The following CDCA7L variants were observed in gnomAD, a reference collection of about 807,000 sequenced individuals.
The protein encoded by CDCA7L is cell division cycle-associated 7-like protein.
A neutral mutation model predicts 57.4 loss-of-function variants in CDCA7L; 44 were observed. The observed-to-expected ratio is 0.77, with a 90% CI of 0.60 to 0.98. The LOEUF (loss-of-function observed/expected upper bound fraction) is 0.98. Ranked by LOEUF, CDCA7L falls within the 50% of genes least tolerant of loss-of-function variation. The pLI is 0.00. For missense variants in CDCA7L, 644 were observed against 580.6 expected (o/e 1.11, Z -1.12); for synonymous variants, 236 against 202.8 (o/e 1.16, Z -1.39).
chr7:21,934,967 T>G (rs914346277), intron 1 of CDCA7L, among the ~76,000 whole-genome samples: 1 of 152,156 alleles, frequency 6.6e-6, no homozygotes, highest in Non-Finnish European at 1.5e-5. Flanking sequence ...CAACAACAGA[T>G]AGAAACTTCA....
At chr7:21,904,794 A>G (rs1360414544) in intron 7 of CDCA7L, among the ~76,000 whole-genome samples, 1 of 108,600 alleles carries the variant, frequency 9.2e-6, no homozygotes, top group East Asian at 2.5e-4. Context: ...GGCCAGAGAA[A>G]CATATTAGGT....
At position 21,945,863 on chromosome 7, in the gene CDCA7L, C is replaced by G. The variant is rs1786510010; in HGVS notation, c.-59G>C. 6.5e-7 allele frequency: 1 copy of G among 1,548,284 alleles called. No individual in the cohort carries two copies. Among genetic ancestry groups the G allele is most frequent in the Admixed American group, 2.0e-5 (1 of 51,228 alleles). The stretch of plus-strand genomic sequence containing the variant: ...CGCGGCCACGGGAGCCCGGACTCAC[C>G]ACGGCCCGGCGCACCAAGAACGCCC... On this transcript the variant is annotated 5_prime_UTR_variant, in exon 1 of 10. Coordinates refer to ENST00000406877, the MANE Select transcript of CDCA7L (RefSeq NM_018719.5).
intron 1 of CDCA7L, among the ~76,000 whole-genome samples, chr7:21,922,714 C>T (rs1182089749): frequency 6.6e-6 from 1 of 152,124 alleles, no homozygotes; most frequent in African/African-American, 2.4e-5. Flanking sequence ...ATATCCTTTC[C>T]CTTATTCATG....
intron 1 of CDCA7L, among the ~76,000 whole-genome samples, chr7:21,918,241 G>A (rs566958036): frequency 1.2e-3 from 187 of 152,220 alleles, no homozygotes; most frequent in African/African-American, 4.4e-3. Flanking sequence ...AAGTAGATGG[G>A]AAGATATTGT....
chr7:21,908,083 G>T, intron 4 of CDCA7L, 47 bp downstream of exon 4: 1 of 1,490,950 alleles, frequency 6.7e-7, no homozygotes. Flanking sequence ...AGCAACTGCT[G>T]CCAGAGCCTG....
At position 21,917,057 on chromosome 7, in the gene CDCA7L, A is replaced by G. The variant is rs184157581; in HGVS notation, c.25-163T>C. Among the ~76,000 whole-genome samples the G allele has an allele frequency of 1.1e-4, 17 of 152,230 alleles. No homozygotes were observed. The East Asian group carries it at 3.1e-3, about 28-fold the overall frequency. ...CAAAACACTCTTCAGCTAAGAACTC[A>G]TGGCAAAATAAGGTGTGGGGTGGGT... On this transcript the variant is annotated intron_variant, in intron 1 of 9. Transcript: ENST00000406877.
intron 1 of CDCA7L, among the ~76,000 whole-genome samples, chr7:21,941,219 A>AT (rs1266636381): frequency 6.6e-6 from 1 of 152,154 alleles, no homozygotes; most frequent in Non-Finnish European, 1.5e-5. Flanking sequence ...AGAAAAAAAT[A>AT]TTTTTTCAAC....
At chr7:21,939,249 T>C (rs1786267754) in intron 1 of CDCA7L, among the ~76,000 whole-genome samples, 1 of 152,158 alleles carries the variant, frequency 6.6e-6, no homozygotes, top group South Asian at 2.1e-4. Context: ...TTTAAAATGA[T>C]GAAAAAGCTC....
At chr7:21,926,674 G>A (rs1329402287) in intron 1 of CDCA7L, among the ~76,000 whole-genome samples, 4 of 151,606 alleles carry the variant, frequency 2.6e-5, no homozygotes, top group African/African-American at 9.7e-5. Context: ...TTCTAGACCA[G>A]CCTGGGCAAT....
At chr7:21,902,731 A>G in intron 9 of CDCA7L, 2 of 507,290 alleles carry the variant, frequency 3.9e-6, no homozygotes, top group Non-Finnish European at 7.0e-6. Flanking sequence ...CATACACCTC[A>G]AGGAGAAATT....
In CDCA7L at chr7:21,904,318, C is replaced by G; in HGVS notation, c.1048-59G>C. The G allele has an allele frequency of 2.7e-6, 4 of 1,456,250 alleles. No homozygotes were observed. In the South Asian group the frequency reaches 5.7e-5, roughly 21 times the overall value. 90.2% of individuals were successfully genotyped at this position (1,456,250 alleles called of 1,614,324 possible). On this transcript the variant is annotated intron_variant, in intron 7 of 9. Transcript: ENST00000406877. ...GGGATATGCTGATGCCCAATGAGGC[C>G]AGATGCCACCATGTGCATTTCCAAG... is the stretch of plus-strand genomic sequence containing the variant.
chr7:21,903,258 C>T (rs1315947747), intron 8 of CDCA7L, 144 bp from the exon 9 acceptor site: 2 of 717,832 alleles, frequency 2.8e-6, no homozygotes, highest in African/African-American at 1.8e-5. Context: ...CAGGGGGCTC[C>T]TCACAAGGCA....
chr7:21,906,304 T>C lies in CDCA7L; in HGVS notation c.906A>G (p.Arg302=), dbSNP rs756302066. ...CAGAAAATACCCCAATTGTCTTCCT[T>C]CTTCGGAAGCTGTAAAACTCTTCCG... is the stretch of plus-strand genomic sequence containing the variant. ...KFAEEFYSFR[R]RKTIGGKCRE... Residue 302 remains arginine (R), a synonymous_variant, in exon 6 of 10, where the codon AGA becomes AGG. Coordinates refer to ENST00000406877, the MANE Select transcript of CDCA7L (RefSeq NM_018719.5). 9 of 1,596,904 alleles carry C rather than the reference T, an allele frequency of 5.6e-6. No individual in the cohort carries two copies. Among genetic ancestry groups the C allele is most frequent in the South Asian group, 1.1e-5 (1 of 89,026 alleles).
At chr7:21,936,357 C>T (rs970076111) in intron 1 of CDCA7L, among the ~76,000 whole-genome samples, 8 of 152,082 alleles carry the variant, frequency 5.3e-5, no homozygotes, top group Non-Finnish European at 7.4e-5. Flanking sequence ...GATACCAAAG[C>T]CAGAGAAAGA....
In CDCA7L at chr7:21,902,062, T is replaced by TTTAATAACTGGCAGATATTTTTAAC. The variant is rs1450951125; in HGVS notation, c.*235_*259dup. The TTTAATAACTGGCAGATATTTTTAAC allele has an allele frequency of 2.1e-6, 1 of 487,652 alleles. No homozygotes were observed. Among genetic ancestry groups the TTTAATAACTGGCAGATATTTTTAAC allele is most frequent in the African/African-American group, 1.9e-5 (1 of 51,928 alleles). 30.2% of individuals were successfully genotyped at this position (487,652 alleles called of 1,614,324 possible). On this transcript the variant is annotated 3_prime_UTR_variant, in exon 10 of 10. Transcript: ENST00000406877. ...ACCCCACCCCATTTAAACTGTGCTT[T>TTTAATAACTGGCAGATATTTTTAAC]TTAATAACTGGCAGATATTTTTAAC... is the stretch of plus-strand genomic sequence containing the variant.
intron 1 of CDCA7L, among the ~76,000 whole-genome samples, chr7:21,925,452 G>A (rs927655161): frequency 2.0e-4 from 30 of 152,164 alleles, no homozygotes; most frequent in African/African-American, 7.0e-4. Context: ...CAGAAACTAA[G>A]TACCATCATA....
Position 21,911,653 on chromosome 7 carries a change from C to T in CDCA7L, c.267G>A (p.Gln89=), listed in dbSNP as rs779372905. 5.0e-6 allele frequency: 8 copies of T among 1,613,744 alleles called. No individual in the cohort carries two copies. The Admixed American group carries it at 1.3e-4, about 27-fold the overall frequency. The change falls in exon 3 of 10, where the codon CAG becomes CAA. Residue 89 remains glutamine (Q), a synonymous_variant. Coordinates refer to ENST00000406877, the MANE Select transcript of CDCA7L (RefSeq NM_018719.5). Reference sequence around the variant, plus strand: ...GGTTAGTCTTTCCATTCAGATCACTCTGCGTAAATCCTGCAAAATCCTCAG... The same window carrying T: ...GGTTAGTCTTTCCATTCAGATCACTTTGCGTAAATCCTGCAAAATCCTCAG... ...SETEDFAGFT[Q]SDLNGKTNPE...
chr7:21,911,122 C>G (rs1370958158), intron 3 of CDCA7L, among the ~76,000 whole-genome samples: 5 of 140,396 alleles, frequency 3.6e-5, no homozygotes, highest in African/African-American at 1.1e-4. Context: ...CTCTGCCTCC[C>G]GGCTTCAAGA....
At chr7:21,930,896 G>A (rs943920331) in intron 1 of CDCA7L, among the ~76,000 whole-genome samples, 1 of 151,714 alleles carries the variant, frequency 6.6e-6, no homozygotes, top group Non-Finnish European at 1.5e-5. Flanking sequence ...GCCAGACAAA[G>A]AAGAAAAGAG....
Sources: gnomAD v4.1 joint callset for allele counts (sites outside exome capture counted in the v4.1 genomes callset) on GRCh38, gnomAD v4.1.1 for gene constraint, MANE v1.5 for transcripts, NCBI Gene and HGNC (gene_info 2026-07-23, HGNC 2026-07-21) for gene names.